Variants in DGKG observed in about 807,000 individuals in gnomAD.
DGKG encodes DAG kinase gamma.
A neutral mutation model predicts 105.3 loss-of-function variants in DGKG; 78 were observed. That is an observed-to-expected ratio of 0.74 (90% CI 0.62 to 0.89). DGKG has a LOEUF of 0.89. DGKG is among the 40% of genes least tolerant of loss of function. The probability of loss-of-function intolerance (pLI) is 0.00; values close to 1 mark genes in which losing one functional copy is unlikely to be tolerated. For missense variants in DGKG, 958 were observed against 1,020.1 expected (o/e 0.94, Z 0.83); for synonymous variants, 346 against 367.1 (o/e 0.94, Z 0.66).
chr3:186,189,048 G>A (rs1013633152), intron 21 of DGKG, among the ~76,000 whole-genome samples: 1 of 151,914 alleles, frequency 6.6e-6, no homozygotes, highest in Non-Finnish European at 1.5e-5. Flanking sequence ...CTCCTGACCT[G>A]TTGATCCGCC....
At chr3:186,295,196 T>C (rs1026895661) in intron 5 of DGKG, among the ~76,000 whole-genome samples, 1 of 152,196 alleles carries the variant, frequency 6.6e-6, no homozygotes, top group African/African-American at 2.4e-5. Context: ...CTAATCTATC[T>C]TGTTTTATAT....
chr3:186,233,518 C>A (rs945237543), intron 20 of DGKG, among the ~76,000 whole-genome samples: 3 of 152,178 alleles, frequency 2.0e-5, no homozygotes, highest in Non-Finnish European at 2.9e-5. Flanking sequence ...CTCGCTCTGT[C>A]GCCCAGGCTG....
At chr3:186,301,678 T>C (rs796337264) in intron 3 of DGKG, among the ~76,000 whole-genome samples, 70 of 152,302 alleles carry the variant, frequency 4.6e-4, no homozygotes, top group African/African-American at 1.6e-3. Flanking sequence ...TGAATTGAGA[T>C]TAACTGAGGT....
intron 24 of DGKG, chr3:186,159,032 G>A (rs1716165866): frequency 4.3e-6 from 1 of 232,948 alleles, no homozygotes; most frequent in African/African-American, 2.3e-5. Flanking sequence ...CATTTTAGAT[G>A]TATCTTTTGT....
At chr3:186,288,010 C>T (rs945654646) in intron 6 of DGKG, among the ~76,000 whole-genome samples, 1 of 152,150 alleles carries the variant, frequency 6.6e-6, no homozygotes, top group Admixed American at 6.5e-5. Context: ...CTCACAGAAG[C>T]CAGGGAAACC....
intron 13 of DGKG, among the ~76,000 whole-genome samples, chr3:186,265,823 C>G (rs1722029126): frequency 6.6e-6 from 1 of 151,838 alleles, no homozygotes; most frequent in Non-Finnish European, 1.5e-5. Flanking sequence ...CCACCACGCC[C>G]AGCTAATTGC....
chr3:186,335,283 G>A (rs750542867), intron 1 of DGKG, among the ~76,000 whole-genome samples: 1 of 152,112 alleles, frequency 6.6e-6, no homozygotes, highest in African/African-American at 2.4e-5. Context: ...CACCATATTG[G>A]TTAGGCTGGT....
chr3:186,349,741 T>C (rs1726535963), intron 1 of DGKG, among the ~76,000 whole-genome samples: 3 of 152,232 alleles, frequency 2.0e-5, no homozygotes, highest in Admixed American at 2.0e-4. Flanking sequence ...AGCATTCCTG[T>C]AGCTCTTGCC....
At chr3:186,160,590 C>T in intron 24 of DGKG, 1 of 985,362 alleles carries the variant, frequency 1.0e-6, no homozygotes, top group Non-Finnish European at 1.2e-6. Context: ...TCATGGAAAC[C>T]TTCCTTTAGT....
At chr3:186,191,631 C>G (rs1037094184) in intron 21 of DGKG, among the ~76,000 whole-genome samples, 44 of 152,256 alleles carry the variant, frequency 2.9e-4, no homozygotes, top group Non-Finnish European at 5.9e-5. Flanking sequence ...CAGAATGGCA[C>G]AGTCCTGTTG....
chr3:186,193,828 T>G (rs1246102369), intron 21 of DGKG, among the ~76,000 whole-genome samples: 1 of 151,714 alleles, frequency 6.6e-6, no homozygotes, highest in Admixed American at 6.6e-5. Flanking sequence ...CGCTAAGGAG[T>G]GTGGCGGTCC....
intron 24 of DGKG, among the ~76,000 whole-genome samples, chr3:186,151,972 G>A (rs1286480482): frequency 6.6e-6 from 1 of 152,142 alleles, no homozygotes; most frequent in Non-Finnish European, 1.5e-5. Context: ...CCAGCTACGT[G>A]GGAGGCTGAG....
chr3:186,161,217 G>A, intron 24 of DGKG: 2 of 995,366 alleles, frequency 2.0e-6, no homozygotes, highest in Non-Finnish European at 2.4e-6. Flanking sequence ...ACGTAAGGAA[G>A]CAATTTGACT....
At position 186,297,625 on chromosome 3, in the gene DGKG, G is replaced by T. The variant is rs112850236; in HGVS notation, c.311-142C>A. 5.9e-4 allele frequency: 391 copies of T among 657,416 alleles called. 2 individuals are homozygous for T. Among genetic ancestry groups the T allele is most frequent in the African/African-American group, 3.8e-3 (213 of 55,744 alleles). 40.7% of individuals were successfully genotyped at this position (657,416 alleles called of 1,614,324 possible). A position where few individuals can be genotyped will look rare whatever the true frequency, so the allele number is the denominator to read the frequency against. The stretch of plus-strand genomic sequence containing the variant: ...TTATGTGTCAGCTGGGTTCATGCTC[G>T]CTTATTGGGATTGGCTGTGTCTCCC... On this transcript the variant is annotated intron_variant, in intron 4 of 24. Coordinates refer to ENST00000265022, the MANE Select transcript of DGKG (RefSeq NM_001346.3).
At chr3:186,301,107 A>C (rs1723898260) in intron 3 of DGKG, among the ~76,000 whole-genome samples, 1 of 152,214 alleles carries the variant, frequency 6.6e-6, no homozygotes, top group Non-Finnish European at 1.5e-5. Flanking sequence ...GTTCTTCTGC[A>C]ACATCTGTCA....
chr3:186,356,720 G>A (rs186334185), intron 1 of DGKG, among the ~76,000 whole-genome samples: 1 of 152,278 alleles, frequency 6.6e-6, no homozygotes, highest in African/African-American at 2.4e-5. Flanking sequence ...TGGAGCAAAT[G>A]GCCCATGAGG....
At chr3:186,175,865 A>G (rs911618506) in intron 22 of DGKG, among the ~76,000 whole-genome samples, 3 of 152,252 alleles carry the variant, frequency 2.0e-5, no homozygotes, top group South Asian at 4.1e-4. Flanking sequence ...TTTTCTTTCA[A>G]TCCTTGTGGC....
intron 20 of DGKG, among the ~76,000 whole-genome samples, chr3:186,216,878 A>G (rs937051508): frequency 2.6e-5 from 4 of 152,202 alleles, no homozygotes; most frequent in Non-Finnish European, 4.4e-5. Context: ...AGAATATGGC[A>G]TCTGAGAGCT....
chr3:186,350,962 G>A (rs1165636275), intron 1 of DGKG, among the ~76,000 whole-genome samples: 1 of 152,118 alleles, frequency 6.6e-6, no homozygotes, highest in African/African-American at 2.4e-5. Flanking sequence ...CTGTTGTTTA[G>A]TTTTGGGAGT....
Sources: allele counts gnomAD v4.1 joint callset (sites outside exome capture counted in the v4.1 genomes callset), GRCh38; gene constraint gnomAD v4.1.1; transcripts MANE v1.5; gene names NCBI Gene and HGNC (gene_info 2026-07-23, HGNC 2026-07-21).